The following CELF4 variants were observed in gnomAD, a reference collection of about 807,000 sequenced individuals.
The protein encoded by CELF4 is CUGBP Elav-like family member 4.
In CELF4, 18 loss-of-function variants were observed where a neutral mutation model predicts 59.9. That is an observed-to-expected ratio of 0.30 (90% CI 0.21 to 0.45). CELF4 has a LOEUF of 0.45. Among genes scored for constraint, CELF4 ranks in the 20% least tolerant of loss-of-function variants. CELF4 has a pLI of 1.00. For synonymous variants in CELF4, 261 were observed against 267.1 expected, an observed-to-expected ratio of 0.98 and a Z score of 0.22; for missense variants, 456 against 689.0, an observed-to-expected ratio of 0.66 and a Z score of 3.79.
chr18:37,366,359 T>C (rs1237223074), intron 2 of CELF4, among the ~76,000 whole-genome samples: 1 of 152,210 alleles, frequency 6.6e-6, no homozygotes, highest in Non-Finnish European at 1.5e-5. Context: ...CTCTCCTGTG[T>C]CCAGGCCCTC....
intron 8 of CELF4, among the ~76,000 whole-genome samples, chr18:37,270,355 T>C (rs915773358): frequency 2.6e-5 from 4 of 152,230 alleles, no homozygotes; most frequent in African/African-American, 9.7e-5. Flanking sequence ...CTCCCTCCAC[T>C]CCTTCCCAAA....
At chr18:37,394,086 A>C (rs1198125226) in intron 2 of CELF4, among the ~76,000 whole-genome samples, 1 of 152,166 alleles carries the variant, frequency 6.6e-6, no homozygotes, top group East Asian at 1.9e-4. Flanking sequence ...CTGGGCTCCG[A>C]GACCCGCGGG....
chr18:37,312,137 A>AAAAAAAAAGAAAAG (rs1569557807), intron 3 of CELF4, among the ~76,000 whole-genome samples: 3 of 141,312 alleles, frequency 2.1e-5, no homozygotes, highest in Admixed American at 7.4e-5. Flanking sequence ...AAAAGAAAAA[A>AAAAAAAAAGAAAAG]AAAAAAAGAA....
intron 4 of CELF4, 42 bp from the exon 5 acceptor site, chr18:37,274,926 G>T (rs1361320727): frequency 3.1e-6 from 5 of 1,593,140 alleles, no homozygotes; most frequent in Non-Finnish European, 4.3e-6. Context: ...CAGAAGCAGG[G>T]CCAGGGAGGG....
intron 1 of CELF4, among the ~76,000 whole-genome samples, chr18:37,496,012 C>T (rs573692539): frequency 2.6e-5 from 4 of 152,230 alleles, no homozygotes; most frequent in South Asian, 4.1e-4. Flanking sequence ...ATGCCTCCCT[C>T]CCCCAGCAGT....
chr18:37,338,719 G>A (rs796284626), intron 2 of CELF4, among the ~76,000 whole-genome samples: 11 of 151,680 alleles, frequency 7.3e-5, no homozygotes, highest in African/African-American at 2.4e-4. Flanking sequence ...TAAGCTCTCT[G>A]TGCTCTTGCT....
At chr18:37,557,051 T>C (rs2099985022) in intron 1 of CELF4, among the ~76,000 whole-genome samples, 1 of 152,188 alleles carries the variant, frequency 6.6e-6, no homozygotes, top group Non-Finnish European at 1.5e-5. Flanking sequence ...CTTGGTTCAA[T>C]ACAGCATCAT....
intron 2 of CELF4, among the ~76,000 whole-genome samples, chr18:37,413,192 C>T (rs890307327): frequency 1.3e-5 from 2 of 152,198 alleles, no homozygotes; most frequent in African/African-American, 4.8e-5. Context: ...ATAACTTACT[C>T]AGAATGAAGG....
At position 37,542,937 on chromosome 18, in the gene CELF4, C is replaced by T. The variant is rs558342502; in HGVS notation, c.286+22419G>A. Among the ~76,000 whole-genome samples, 56 of 152,204 alleles carry T rather than the reference C, an allele frequency of 3.7e-4. 1 individual carries two copies. The South Asian group carries it at 4.2e-3, about 11-fold the overall frequency. ...GGCTCTAGATCCAGTGCTCTTTCTACGACATCACTCCTGCCTCCCTTGAAC... is the reference window on the plus strand; with the variant it reads ...GGCTCTAGATCCAGTGCTCTTTCTATGACATCACTCCTGCCTCCCTTGAAC... On this transcript the variant is annotated intron_variant, in intron 1 of 12. Coordinates refer to ENST00000420428, the MANE Select transcript of CELF4 (RefSeq NM_020180.4).
At chr18:37,325,354 G>C (rs1263231288) in intron 2 of CELF4, among the ~76,000 whole-genome samples, 1 of 152,224 alleles carries the variant, frequency 6.6e-6, no homozygotes, top group Non-Finnish European at 1.5e-5. Context: ...GAGCAGCTGG[G>C]GTGAGTCCTG....
At chr18:37,311,386 G>A (rs1386506474) in intron 3 of CELF4, among the ~76,000 whole-genome samples, 2 of 152,156 alleles carry the variant, frequency 1.3e-5, no homozygotes, top group Non-Finnish European at 1.5e-5. Flanking sequence ...AATTCTTCAC[G>A]CAGCTGCTGT....
At chr18:37,491,192 C>T (rs1319790639) in intron 1 of CELF4, among the ~76,000 whole-genome samples, 2 of 129,130 alleles carry the variant, frequency 1.5e-5, no homozygotes, top group Non-Finnish European at 3.6e-5. Context: ...CACCTCCTCT[C>T]CTCACCTGAG....
intron 2 of CELF4, among the ~76,000 whole-genome samples, chr18:37,428,143 A>C (rs1285187451): frequency 1.3e-5 from 2 of 152,260 alleles, no homozygotes. Context: ...GCTTTCAAAA[A>C]TAATGAATAA....
chr18:37,249,161 G>A (rs375112219), intron 12 of CELF4, among the ~76,000 whole-genome samples: 24 of 152,046 alleles, frequency 1.6e-4, no homozygotes, highest in East Asian at 5.8e-4. Context: ...ATCAGGGACC[G>A]TCCCATGCCC....
At chr18:37,485,368 G>A (rs1603642392) in intron 2 of CELF4, among the ~76,000 whole-genome samples, 157 bp downstream of exon 2, 1 of 149,896 alleles carries the variant, frequency 6.7e-6, no homozygotes, top group Admixed American at 6.6e-5. Flanking sequence ...GGACGGCCGA[G>A]AGCCCAGGGA....
chr18:37,302,192 A>G (rs1463672440), intron 3 of CELF4, among the ~76,000 whole-genome samples: 1 of 152,208 alleles, frequency 6.6e-6, no homozygotes, highest in African/African-American at 2.4e-5. Context: ...TTCCTGGCAC[A>G]GGTGGATGGA....
chr18:37,459,248 T>C (rs1034792288), intron 2 of CELF4, among the ~76,000 whole-genome samples: 30 of 151,918 alleles, frequency 2.0e-4, no homozygotes, highest in African/African-American at 7.3e-4. Context: ...CTCCACATCA[T>C]TCTCTTTGGT....
At chr18:37,515,369 C>G (rs963714211) in intron 1 of CELF4, among the ~76,000 whole-genome samples, 2 of 152,218 alleles carry the variant, frequency 1.3e-5, no homozygotes, top group Non-Finnish European at 2.9e-5. Flanking sequence ...GAGCTTCTCC[C>G]CAGCCTGGCT....
intron 3 of CELF4, chr18:37,275,504 T>C: frequency 2.1e-6 from 1 of 481,232 alleles, no homozygotes; most frequent in Non-Finnish European, 3.8e-6. Flanking sequence ...AGGCAGGAGC[T>C]GGATCGCAGC....
Sources: gnomAD v4.1 joint callset for allele counts (sites outside exome capture counted in the v4.1 genomes callset) on GRCh38, gnomAD v4.1.1 for gene constraint, MANE v1.5 for transcripts, NCBI Gene and HGNC (gene_info 2026-07-23, HGNC 2026-07-21) for gene names.